The following DENND1A variants were observed in gnomAD, a reference collection of about 807,000 sequenced individuals.
The protein encoded by DENND1A is DENN domain-containing protein 1A.
DENND1A carries 51 observed loss-of-function variants against 113.7 expected under a neutral mutation model. The observed-to-expected ratio is 0.45, with a 90% CI of 0.36 to 0.57. The LOEUF is 0.57. Ranked by LOEUF, DENND1A falls within the 20% of genes least tolerant of loss-of-function variation. The probability of loss-of-function intolerance (pLI) is 0.00; values close to 1 mark genes in which losing one functional copy is unlikely to be tolerated. For synonymous variants in DENND1A, 565 were observed against 570.8 expected (o/e 0.99, Z 0.14); for missense variants, 1,258 against 1,395.9 (o/e 0.90, Z 1.57).
chr9:123,736,891 G>C (rs892963725), intron 5 of DENND1A, among the ~76,000 whole-genome samples: 2 of 152,246 alleles, frequency 1.3e-5, no homozygotes. Context: ...TTGAATCCAG[G>C]TCCTAAAACT....
intron 13 of DENND1A, among the ~76,000 whole-genome samples, chr9:123,533,611 GGA>G (rs1046541689): frequency 6.6e-6 from 1 of 152,196 alleles, no homozygotes; most frequent in Admixed American, 6.5e-5. Context: ...CGAACTGGAG[GGA>G]GAGAGTCTTC....
chr9:123,529,380 T>C (rs946028083), intron 13 of DENND1A, among the ~76,000 whole-genome samples: 1 of 152,178 alleles, frequency 6.6e-6, no homozygotes, highest in African/African-American at 2.4e-5. Flanking sequence ...TTAACAAATG[T>C]TGAATAACAA....
chr9:123,501,274 C>T (rs1011249115), intron 13 of DENND1A, among the ~76,000 whole-genome samples: 3 of 152,160 alleles, frequency 2.0e-5, no homozygotes, highest in Admixed American at 2.0e-4. Flanking sequence ...GTCAGAATTT[C>T]CTCTCTTTTT....
At position 123,382,440 on chromosome 9, in the gene DENND1A, G is replaced by C. The variant is rs372951632; in HGVS notation, c.2205C>G (p.Pro735=). 1 of 1,610,964 alleles carries C rather than the reference G, an allele frequency of 6.2e-7. No individual in the cohort carries two copies. Among genetic ancestry groups the C allele is most frequent in the Admixed American group, 1.7e-5 (1 of 59,842 alleles). ...LGNSLALPRR[P]QNRDSILNPS... is the part of the protein sequence containing the mutation. ...GGTTCAGGATGCTGTCCCGGTTCTG[G>C]GGCCTTCGAGGCAGGGCCAGGGAGT... The change falls in exon 24 of 24, where the codon CCC becomes CCG. Residue 735 remains proline, a synonymous_variant. Transcript: ENST00000394215.
intron 4 of DENND1A, 34 bp downstream of exon 4, chr9:123,769,480 T>C (rs1318316351): frequency 2.5e-5 from 39 of 1,574,456 alleles, no homozygotes; most frequent in Non-Finnish European, 3.4e-5. Context: ...TATTGATACT[T>C]TTTTTCTAGT....
At chr9:123,552,909 T>C (rs545744946) in intron 13 of DENND1A, among the ~76,000 whole-genome samples, 2 of 152,340 alleles carry the variant, frequency 1.3e-5, no homozygotes, top group East Asian at 1.9e-4. Flanking sequence ...TAAAGATTTA[T>C]ATAAAGATGT....
chr9:123,553,158 G>A (rs1309543295), intron 13 of DENND1A, among the ~76,000 whole-genome samples: 1 of 152,194 alleles, frequency 6.6e-6, no homozygotes, highest in Non-Finnish European at 1.5e-5. Context: ...CTGGGAGGCT[G>A]ATGTGGGAGG....
intron 2 of DENND1A, 105 bp from the exon 3 acceptor site, chr9:123,792,735 A>AT (rs913776876): frequency 1.1e-5 from 14 of 1,311,754 alleles, no homozygotes; most frequent in Non-Finnish European, 1.5e-5. Flanking sequence ...CTGGCAGGGG[A>AT]TCCAAGGGGG....
intron 12 of DENND1A, among the ~76,000 whole-genome samples, chr9:123,565,295 T>C (rs1260967283): frequency 5.3e-5 from 8 of 152,194 alleles, no homozygotes; most frequent in Admixed American, 4.6e-4. Context: ...CCCGGCCTAA[T>C]GTCTGTCTCT....
At chr9:123,468,108 G>A (rs2049104675) in intron 13 of DENND1A, among the ~76,000 whole-genome samples, 1 of 152,148 alleles carries the variant, frequency 6.6e-6, no homozygotes, top group South Asian at 2.1e-4. Context: ...TCTGATTCAT[G>A]GTCACTCTGA....
intron 13 of DENND1A, among the ~76,000 whole-genome samples, chr9:123,474,183 T>C (rs544036908): frequency 6.6e-6 from 1 of 152,042 alleles, no homozygotes; most frequent in African/African-American, 2.4e-5. Context: ...TTAGTAGAGA[T>C]GGGGTTTCAC....
intron 9 of DENND1A, among the ~76,000 whole-genome samples, chr9:123,643,087 C>T (rs779789815): frequency 5.3e-5 from 8 of 151,904 alleles, no homozygotes; most frequent in Admixed American, 2.0e-4. Flanking sequence ...ATGTTCCACT[C>T]GAATACTGAA....
intron 2 of DENND1A, among the ~76,000 whole-genome samples, chr9:123,865,297 T>C (rs574045353): frequency 1.1e-4 from 17 of 152,324 alleles, no homozygotes; most frequent in Admixed American, 2.0e-4. Context: ...AAAACCCAAG[T>C]CAACTCAATT....
chr9:123,578,804 C>T (rs902584771), intron 12 of DENND1A, among the ~76,000 whole-genome samples: 2 of 151,930 alleles, frequency 1.3e-5, no homozygotes, highest in East Asian at 1.9e-4. Flanking sequence ...AAGATATGGT[C>T]AAATCTACGT....
At chr9:123,430,439 C>T (rs963652134) in intron 19 of DENND1A, among the ~76,000 whole-genome samples, 25 of 152,156 alleles carry the variant, frequency 1.6e-4, no homozygotes, top group Admixed American at 1.4e-3. Context: ...CCCAAATGCT[C>T]ATCAATGATA....
intron 11 of DENND1A, among the ~76,000 whole-genome samples, chr9:123,589,182 A>G (rs1010715221): frequency 1.3e-5 from 2 of 152,142 alleles, no homozygotes; most frequent in African/African-American, 2.4e-5. Context: ...GCCCTACTAC[A>G]TGGAAACAAA....
chr9:123,792,911 A>G (rs1216683391), intron 2 of DENND1A, among the ~76,000 whole-genome samples: 2 of 152,206 alleles, frequency 1.3e-5, no homozygotes, highest in African/African-American at 4.8e-5. Context: ...ATTGCCCTCA[A>G]TATATTTTTC....
chr9:123,785,623 T>G (rs1359686074), intron 3 of DENND1A, among the ~76,000 whole-genome samples: 5 of 152,194 alleles, frequency 3.3e-5, no homozygotes, highest in Non-Finnish European at 7.3e-5. Context: ...ATCTGTAATC[T>G]ATCAATGAAC....
At chr9:123,504,404 G>A (rs2052741644) in intron 13 of DENND1A, among the ~76,000 whole-genome samples, 1 of 152,168 alleles carries the variant, frequency 6.6e-6, no homozygotes, top group African/African-American at 2.4e-5. Flanking sequence ...CCTGACACTA[G>A]GCCTGCACGG....
Sources: allele counts gnomAD v4.1 joint callset (sites outside exome capture counted in the v4.1 genomes callset), GRCh38; gene constraint gnomAD v4.1.1; transcripts MANE v1.5; gene names NCBI Gene and HGNC (gene_info 2026-07-23, HGNC 2026-07-21).